Variants in ZNF618 observed in about 807,000 individuals in gnomAD.
ZNF618 encodes the protein zinc finger protein 618, also known as neural precursor cell expressed, developmentally down-regulated 10.
In ZNF618, 34 loss-of-function variants were observed where a neutral mutation model predicts 103.0. The observed-to-expected ratio is 0.33, with a 90% CI of 0.25 to 0.44. ZNF618 has a LOEUF of 0.44. Ranked by LOEUF, ZNF618 falls within the 20% of genes least tolerant of loss-of-function variation. The pLI is 1.00. For synonymous variants in ZNF618, 551 were observed against 542.2 expected (o/e 1.02, Z -0.23); for missense variants, 1,059 against 1,295.4 (o/e 0.82, Z 2.80).
chr9:113,876,620 G>C (rs1255625869), intron 1 of ZNF618, among the ~76,000 whole-genome samples: 1 of 151,864 alleles, frequency 6.6e-6, no homozygotes, highest in East Asian at 2.0e-4. Flanking sequence ...GGGTGACGAG[G>C]GGGTCTTTTG....
intron 1 of ZNF618, among the ~76,000 whole-genome samples, chr9:113,914,492 A>G (rs1040864375): frequency 6.6e-6 from 1 of 152,236 alleles, no homozygotes; most frequent in Non-Finnish European, 1.5e-5. Context: ...GTATGCAACA[A>G]AATCCCAATC....
At chr9:114,036,453 TGAGGCCC>T in intron 13 of ZNF618, 76 bp downstream of exon 13, 1 of 1,460,070 alleles carries the variant, frequency 6.8e-7, no homozygotes, top group Non-Finnish European at 9.4e-7. Flanking sequence ...GGGCCTGACC[TGAGGCCC>T]CTGGAGAAGG....
intron 1 of ZNF618, among the ~76,000 whole-genome samples, chr9:113,959,295 A>G (rs995957806): frequency 6.6e-6 from 1 of 152,176 alleles, no homozygotes; most frequent in African/African-American, 2.4e-5. Flanking sequence ...CTCAAAAAAA[A>G]AAAAGTGTTT....
intron 3 of ZNF618, among the ~76,000 whole-genome samples, chr9:113,992,695 G>A (rs1247195629): frequency 1.3e-5 from 2 of 149,510 alleles, no homozygotes; most frequent in African/African-American, 4.9e-5. Context: ...GAGCCTCCCC[G>A]AGTCCACACT....
intron 13 of ZNF618, among the ~76,000 whole-genome samples, chr9:114,044,650 TATTG>T (rs780961551): frequency 2.0e-5 from 3 of 152,202 alleles, no homozygotes; most frequent in Non-Finnish European, 4.4e-5. Flanking sequence ...ATTTTCACAA[TATTG>T]ATTCTACCCA....
At position 113,964,384 on chromosome 9, in the gene ZNF618, C is replaced by A. The variant is rs1470947474; in HGVS notation, c.34-4733C>A. 2.0e-5 allele frequency among the ~76,000 whole-genome samples: 3 copies of A among 152,158 alleles called. No individual in the cohort carries two copies. In the South Asian group the frequency reaches 6.2e-4, roughly 32 times the overall value. On this transcript the variant is annotated intron_variant, in intron 1 of 14. Coordinates refer to ENST00000374126, the MANE Select transcript of ZNF618 (RefSeq NM_001318042.2). ...AATTATGGGCGCCCCAGCATTCTTT[C>A]CGCCGCTGAACAGCTGTATAACAAA...
intron 1 of ZNF618, among the ~76,000 whole-genome samples, chr9:113,922,831 T>C (rs1439214175): frequency 1.3e-5 from 2 of 152,224 alleles, no homozygotes; most frequent in Non-Finnish European, 2.9e-5. Context: ...TTTGTTGATA[T>C]GCACAGAACA....
intron 1 of ZNF618, among the ~76,000 whole-genome samples, chr9:113,956,541 C>T (rs1476156013): frequency 4.6e-5 from 7 of 152,290 alleles, no homozygotes; most frequent in South Asian, 4.1e-4. Context: ...CTCATCTTGA[C>T]GTAACACATC....
intron 1 of ZNF618, among the ~76,000 whole-genome samples, chr9:113,968,486 A>T (rs1040696343): frequency 9.9e-5 from 15 of 152,176 alleles, no homozygotes; most frequent in Admixed American, 5.9e-4. Flanking sequence ...GGTCCCCCTG[A>T]GCACTGGTCT....
At position 114,049,540 on chromosome 9, in the gene ZNF618, C is replaced by T. The variant is rs750236813; in HGVS notation, c.2238C>T (p.Val746=). ...AAILTPVKQA[V]IELSNESQPT... ...TCCTGACGCCGGTGAAGCAGGCAGTCATCGAGCTGAGCAACGAGAGCCAGC... is the reference window on the plus strand; with the variant it reads ...TCCTGACGCCGGTGAAGCAGGCAGTTATCGAGCTGAGCAACGAGAGCCAGC... Residue 746 remains valine, a synonymous_variant, in exon 15 of 15, where the codon GTC becomes GTT. Transcript: ENST00000374126. 4 of 1,613,758 alleles carry T rather than the reference C, an allele frequency of 2.5e-6. No individual in the cohort carries two copies. In the Admixed American group the frequency reaches 6.7e-5, roughly 27 times the overall value.
intron 6 of ZNF618, among the ~76,000 whole-genome samples, chr9:114,005,914 CT>C (rs1344315295): frequency 6.6e-6 from 1 of 152,238 alleles, no homozygotes; most frequent in East Asian, 1.9e-4. Context: ...CCAGCCTCTC[CT>C]GCCCCACACC....
At chr9:114,014,768 A>ATT (rs398113826) in intron 9 of ZNF618, among the ~76,000 whole-genome samples, 2 of 151,774 alleles carry the variant, frequency 1.3e-5, no homozygotes, top group Non-Finnish European at 2.9e-5. Flanking sequence ...AACACCTAGA[A>ATT]TTTTTTTTTC....
chr9:113,977,807 T>TA (rs1175407041), intron 2 of ZNF618, among the ~76,000 whole-genome samples: 1 of 152,222 alleles, frequency 6.6e-6, no homozygotes, highest in Admixed American at 6.5e-5. Flanking sequence ...CCCACCCTGC[T>TA]AAATTTTGGA....
At chr9:114,015,800 C>T (rs1446047982) in intron 9 of ZNF618, among the ~76,000 whole-genome samples, 4 of 152,186 alleles carry the variant, frequency 2.6e-5, no homozygotes, top group African/African-American at 9.7e-5. Context: ...GGGAACCATG[C>T]AGCCAATAGA....
chr9:113,907,194 AG>A (rs1207307666), intron 1 of ZNF618, among the ~76,000 whole-genome samples: 1 of 152,058 alleles, frequency 6.6e-6, no homozygotes, highest in East Asian at 1.9e-4. Flanking sequence ...CTCTTGTTGG[AG>A]TTGGGGGCTG....
intron 2 of ZNF618, among the ~76,000 whole-genome samples, chr9:113,980,170 T>C (rs911382054): frequency 6.6e-6 from 1 of 152,134 alleles, no homozygotes; most frequent in South Asian, 2.1e-4. Flanking sequence ...TACTGTTAGC[T>C]GAAGTGGAGA....
chr9:113,989,530 G>A (rs969578849), intron 3 of ZNF618, among the ~76,000 whole-genome samples: 1 of 152,052 alleles, frequency 6.6e-6, no homozygotes. Flanking sequence ...GCCTTGCCTG[G>A]TCTGGCTCCA....
At chr9:114,014,972 C>T (rs1345420629) in intron 9 of ZNF618, among the ~76,000 whole-genome samples, 2 of 152,060 alleles carry the variant, frequency 1.3e-5, no homozygotes, top group Non-Finnish European at 2.9e-5. Context: ...TCCAAATATA[C>T]AAAATAAATT....
chr9:114,050,005 A>G lies in ZNF618; in HGVS notation c.2703A>G (p.Thr901=), dbSNP rs746890177. ...GGTCGTGCGTTACCCAAAAGCACAC[A>G]AAACTCGCCAAGCTCGCCTTCTGGC... ...QYWSCVTQKH[T]KLAKLAFWLL... is the part of the protein sequence containing the mutation. The change falls in exon 15 of 15, where the codon ACA becomes ACG. Residue 901 remains threonine, a synonymous_variant. Transcript: ENST00000374126. 2 of 1,613,956 alleles carry G rather than the reference A, an allele frequency of 1.2e-6. No individual in the cohort carries two copies. The highest frequency in any genetic ancestry group is 2.2e-5 in the South Asian group (2 of 91,084).
Sources: gnomAD v4.1 joint callset for allele counts (sites outside exome capture counted in the v4.1 genomes callset) on GRCh38, gnomAD v4.1.1 for gene constraint, MANE v1.5 for transcripts, NCBI Gene and HGNC (gene_info 2026-07-23, HGNC 2026-07-21) for gene names.